The following BLOC1S3 variants were observed in gnomAD, a reference collection of about 807,000 sequenced individuals.
The protein encoded by BLOC1S3 is biogenesis of lysosome-related organelles complex 1 subunit 3.
BLOC1S3 carries 7 observed loss-of-function variants against 9.1 expected under a neutral mutation model. The ratio of observed to expected loss-of-function variants is 0.77; its 90% confidence interval spans 0.44 to 1.45. BLOC1S3 has a LOEUF of 1.45. Ranked by LOEUF, BLOC1S3 falls within the 40% of genes most tolerant of loss-of-function variation. The pLI, the probability that BLOC1S3 is intolerant of heterozygous loss-of-function variation, is 0.01. For synonymous variants in BLOC1S3, 145 were observed against 158.4 expected (o/e 0.92, Z 0.64); for missense variants, 307 against 315.2 (o/e 0.97, Z 0.20).
intron 3 of BLOC1S3, among the ~76,000 whole-genome samples, chr19:45,215,877 GGCGGCGGAGGCAGCA>G (rs999018406): frequency 6.6e-5 from 10 of 152,214 alleles, no homozygotes; most frequent in African/African-American, 2.4e-4. Context: ...TGGTGGCGGT[GGCGGCGGAGGCAGCA>G]GCGGCGGCAG....
At chr19:45,212,264 AG>A (rs1213539721) in intron 3 of BLOC1S3, among the ~76,000 whole-genome samples, 4 of 152,318 alleles carry the variant, frequency 2.6e-5, no homozygotes, top group Non-Finnish European at 5.9e-5. Flanking sequence ...TACCCTGCCC[AG>A]GAGCTGGAGC....
chr19:45,208,051 C>T (rs1446243916), intron 3 of BLOC1S3, among the ~76,000 whole-genome samples: 4 of 150,516 alleles, frequency 2.7e-5, no homozygotes, highest in East Asian at 2.0e-4. Context: ...CTTGGCTCAT[C>T]GCAACCTCTA....
At chr19:45,196,485 G>A (rs1969649359) in intron 2 of BLOC1S3, among the ~76,000 whole-genome samples, 1 of 152,168 alleles carries the variant, frequency 6.6e-6, no homozygotes, top group Non-Finnish European at 1.5e-5. Flanking sequence ...CCACAGCACT[G>A]AGCCTGCCAA....
chr19:45,196,181 C>T (rs1019430020), intron 2 of BLOC1S3, among the ~76,000 whole-genome samples: 2 of 151,472 alleles, frequency 1.3e-5, no homozygotes, highest in South Asian at 4.2e-4. Context: ...TTAGGTGCTA[C>T]TTTATTTTTT....
intron 3 of BLOC1S3, chr19:45,216,011 C>A: frequency 6.3e-7 from 1 of 1,595,882 alleles, no homozygotes. Flanking sequence ...GGGACGGATG[C>A]CAAGGCCGCC....
chr19:45,196,294 C>T (rs982355882), intron 2 of BLOC1S3, among the ~76,000 whole-genome samples: 1 of 152,108 alleles, frequency 6.6e-6, no homozygotes, highest in African/African-American at 2.4e-5. Context: ...TCGAGAATTG[C>T]TTGAGCCCAG....
rs539164587 is a variant in BLOC1S3, at chr19:45,194,039, A to G, written n.180+6299A>G. ...AGGATGGTCTCGATCTCCTGACCTC[A>G]CGATCCGCCCTCCTTGGCCTCCCAA... is the stretch of plus-strand genomic sequence containing the variant. On this transcript the variant is annotated intron_variant and non_coding_transcript_variant, in intron 2 of 3. Coordinates refer to the BLOC1S3 transcript ENST00000591569. Among the ~76,000 whole-genome samples the G allele has an allele frequency of 2.0e-3, 261 of 133,708 alleles. 2 individuals are homozygous for G. Among genetic ancestry groups the G allele is most frequent in the African/African-American group, 6.8e-3 (237 of 35,072 alleles). The allele number at this position is 133,708 out of a possible 152,430, so 87.7% of individuals were successfully genotyped here. A position where few individuals can be genotyped will look rare whatever the true frequency, so the allele number is the denominator to read the frequency against.
intron 2 of BLOC1S3, among the ~76,000 whole-genome samples, chr19:45,189,427 C>CTTTTT (rs35692205): frequency 1.4e-5 from 2 of 138,702 alleles, no homozygotes; most frequent in African/African-American, 2.6e-5. Flanking sequence ...AGGTAGTCTT[C>CTTTTT]TTTTTTTTTT....
chr19:45,212,649 C>T (rs1383783379), intron 3 of BLOC1S3: 5 of 142,296 alleles, frequency 3.5e-5, no homozygotes, highest in African/African-American at 1.4e-4. Context: ...GTTGACCAGG[C>T]TGGAGTGCAG....
chr19:45,215,470 C>CA lies in BLOC1S3; in HGVS notation n.283-1196dup, dbSNP rs887173093. Among the ~76,000 whole-genome samples the CA allele has an allele frequency of 5.6e-4, 75 of 134,794 alleles. No individual in the cohort carries two copies. In the East Asian group the frequency reaches 0.01, roughly 19 times the overall value. The allele number at this position is 134,794 out of a possible 152,430, so 88.4% of individuals were successfully genotyped here. The stretch of plus-strand genomic sequence containing the variant: ...AGGGAAACAGAGTGAGACCCTGTCT[C>CA]AAAAAAAAAAGAAAAAAAGTTGGCA... On this transcript the variant is annotated intron_variant and non_coding_transcript_variant, in intron 3 of 3. Transcript: ENST00000591569.
intron 2 of BLOC1S3, among the ~76,000 whole-genome samples, chr19:45,189,632 A>T (rs79626062): frequency 0.1 from 13,776 of 138,166 alleles, 870 homozygotes; most frequent in East Asian, 0.29. Context: ...TTTAGTAGAG[A>T]TGGGGTTTCT....
intron 3 of BLOC1S3, among the ~76,000 whole-genome samples, chr19:45,214,522 T>C (rs1459686562): frequency 6.6e-6 from 1 of 152,072 alleles, no homozygotes; most frequent in Non-Finnish European, 1.5e-5. Context: ...TGGAGTGCAG[T>C]GGCGCGATCT....
At chr19:45,214,623 C>G (rs1388924626) in intron 3 of BLOC1S3, among the ~76,000 whole-genome samples, 2 of 151,914 alleles carry the variant, frequency 1.3e-5, no homozygotes, top group Non-Finnish European at 2.9e-5. Context: ...TGCCATCACA[C>G]CTGGCTAATT....
At chr19:45,199,606 G>T (rs573488945) in intron 2 of BLOC1S3, among the ~76,000 whole-genome samples, 1 of 151,960 alleles carries the variant, frequency 6.6e-6, no homozygotes, top group Non-Finnish European at 1.5e-5. Flanking sequence ...GAGCCACTGC[G>T]CCTGGCCTTT....
At chr19:45,186,591 G>C (rs1969567413), downstream of BLOC1S3, among the ~76,000 whole-genome samples, 1 of 152,204 alleles carries the variant, frequency 6.6e-6, no homozygotes, top group Non-Finnish European at 1.5e-5. Context: ...TGTAATCCCA[G>C]CTACTCAGGA....
intron 3 of BLOC1S3, among the ~76,000 whole-genome samples, chr19:45,209,825 G>A (rs966981773): frequency 4.6e-5 from 7 of 152,036 alleles, no homozygotes; most frequent in African/African-American, 1.4e-4. Flanking sequence ...TCTGCCTCCC[G>A]GGTTCAAGCG....
chr19:45,179,230 G>A lies in BLOC1S3; in HGVS notation c.-9-58G>A, dbSNP rs1969467042. Reference sequence around the variant, plus strand: ...AAGGGGCTGGGAATCCAGGACCTGCGCCTTTTACCCACCGCGGCGCCGGTC... The same window carrying A: ...AAGGGGCTGGGAATCCAGGACCTGCACCTTTTACCCACCGCGGCGCCGGTC... On this transcript the variant is annotated intron_variant, in intron 1 of 1. Transcript: ENST00000433642. This position sits in a 1 kb window ranked among gnomAD's most constrained non-coding sequence, Gnocchi z 4.6. 1 of 1,436,522 alleles carries A rather than the reference G, an allele frequency of 7.0e-7. No homozygotes were observed. Among genetic ancestry groups the A allele is most frequent in the Non-Finnish European group, 9.1e-7 (1 of 1,097,974 alleles). 89.0% of individuals were successfully genotyped at this position (1,436,522 alleles called of 1,614,324 possible). A position where few individuals can be genotyped will look rare whatever the true frequency, so the allele number is the denominator to read the frequency against.
downstream of BLOC1S3, among the ~76,000 whole-genome samples, chr19:45,184,829 G>A (rs571717484): frequency 1.7e-4 from 26 of 150,552 alleles, no homozygotes; most frequent in Non-Finnish European, 3.0e-4. Context: ...GAACCCGGGA[G>A]GTGGAGCGTG....
intron 2 of BLOC1S3, among the ~76,000 whole-genome samples, chr19:45,189,596 C>CTTT (rs71338753): frequency 2.8e-4 from 33 of 116,004 alleles, no homozygotes; most frequent in African/African-American, 9.9e-4. Context: ...CCAAGCCTGG[C>CTTT]TTTTTTTTTT....
Sources: gnomAD v4.1 joint callset for allele counts (sites outside exome capture counted in the v4.1 genomes callset) on GRCh38, gnomAD v4.1.1 for gene constraint, Gnocchi (gnomAD v3.1) non-coding constraint, MANE v1.5 for transcripts, NCBI Gene and HGNC (gene_info 2026-07-23, HGNC 2026-07-21) for gene names.